Variants in SLC4A3 observed in about 807,000 individuals in gnomAD.
SLC4A3 encodes the protein anion exchange protein 3.
SLC4A3 carries 47 observed loss-of-function variants against 114.2 expected under a neutral mutation model. That is an observed-to-expected ratio of 0.41 (90% CI 0.33 to 0.52). The LOEUF is 0.52. Among genes scored for constraint, SLC4A3 ranks in the 20% least tolerant of loss-of-function variants. The pLI is 0.21. For missense variants in SLC4A3, 1,312 were observed against 1,668.3 expected (o/e 0.79, Z 3.72); for synonymous variants, 693 against 710.3 (o/e 0.98, Z 0.39).
Position 219,639,602 on chromosome 2 carries a change from T to C in SLC4A3, c.3144T>C (p.Ala1048=), listed in dbSNP as rs1259541387. The change falls in exon 20 of 23, where the codon GCT becomes GCC. Residue 1048 remains alanine, a synonymous_variant. Coordinates refer to ENST00000358055, the MANE Select transcript of SLC4A3 (RefSeq NM_005070.4). The surrounding 1 kb of genome is among the most constrained non-coding windows in gnomAD (Gnocchi z 5.9). ...CGLFGLPWLT[A]ATVRSVTHVN... is the part of the protein sequence containing the mutation. ...TGTTTGGGTTGCCCTGGCTCACGGCTGCCACGGTCCGCTCCGTCACCCATG... is the reference window on the plus strand; with the variant it reads ...TGTTTGGGTTGCCCTGGCTCACGGCCGCCACGGTCCGCTCCGTCACCCATG... The C allele has an allele frequency of 5.0e-6, 8 of 1,614,054 alleles. No individual in the cohort carries two copies. The highest frequency in any genetic ancestry group is 5.9e-6 in the Non-Finnish European group (7 of 1,180,022).
chr2:219,634,508 C>T lies in SLC4A3; in HGVS notation c.1650C>T (p.Val550=), dbSNP rs1699050651. ...VLLESVLEVP[V]PVRFLFVMLG... The stretch of plus-strand genomic sequence containing the variant: ...TGGAGTCTGTGCTTGAGGTCCCTGT[C>T]CCGGTCCGCTTCCTCTTCGTGATGC... The change falls in exon 12 of 23, where the codon GTC becomes GTT. Residue 550 remains valine, a synonymous_variant. Transcript: ENST00000358055. 6.2e-7 allele frequency: 1 copy of T among 1,614,218 alleles called. No homozygotes were observed. Among genetic ancestry groups the T allele is most frequent in the Non-Finnish European group, 8.5e-7 (1 of 1,180,052 alleles).
Position 219,637,864 on chromosome 2 carries a change from G to A in SLC4A3, c.2766+53G>A. ...CAAGAGTCCCACAATTCCTGCTGTA[G>A]GAGCTCCCCAGAGAGGCTGCACCCC... On this transcript the variant is annotated intron_variant, in intron 17 of 22. Coordinates refer to ENST00000358055, the MANE Select transcript of SLC4A3 (RefSeq NM_005070.4). The surrounding 1 kb of genome is among the most constrained non-coding windows in gnomAD (Gnocchi z 4.6). 1 of 1,423,492 alleles carries A rather than the reference G, an allele frequency of 7.0e-7. No homozygotes were observed. The highest frequency in any genetic ancestry group is 9.9e-7 in the Non-Finnish European group (1 of 1,008,626). The allele number at this position is 1,423,492 out of a possible 1,614,324, so 88.2% of individuals were successfully genotyped here. A position where few individuals can be genotyped will look rare whatever the true frequency, so the allele number is the denominator to read the frequency against.
Position 219,628,496 on chromosome 2 carries a change from G to C in SLC4A3, c.143G>C (p.Gly48Ala), listed in dbSNP as rs1382468943. The C allele has an allele frequency of 6.2e-7, 1 of 1,613,782 alleles. No homozygotes were observed. The highest frequency in any genetic ancestry group is 1.1e-5 in the South Asian group (1 of 91,056). The change falls in exon 3 of 23, where the codon GGG becomes GCG. Residue 48 changes from glycine (G) to alanine (A), a missense_variant. Around this residue, in one of 4 missense-constraint regions of SLC4A3, gnomAD observed 236 missense variants for 212.1 expected, o/e 1.11. Coordinates refer to ENST00000358055, the MANE Select transcript of SLC4A3 (RefSeq NM_005070.4). The surrounding 1 kb of genome is among the most constrained non-coding windows in gnomAD (Gnocchi z 4.8). ...AAGACCTTGGCTGTGAGCAGGTTTG[G>C]GGACCTCATCAGCAAGCCCCCGGCC... ...LGKTLAVSRF[G>A]DLISKPPAWD...
In SLC4A3 at chr2:219,630,391, G is replaced by A. The variant is rs763653051; in HGVS notation, c.811+39G>A. 9 of 1,558,628 alleles carry A rather than the reference G, an allele frequency of 5.8e-6. No homozygotes were observed. In the East Asian group the frequency reaches 6.8e-5, roughly 12 times the overall value. On this transcript the variant is annotated intron_variant, in intron 6 of 22. Transcript: ENST00000358055. The surrounding 1 kb of genome is among the most constrained non-coding windows in gnomAD (Gnocchi z 6.9). ...TGTGGCAGCCCCCATGGTCCACTGC[G>A]ACGGACTCCCAGCCTGCGAGTGACC...
chr2:219,628,542 C>G lies in SLC4A3; in HGVS notation c.189C>G (p.Ser63Arg). 1 of 1,613,432 alleles carries G rather than the reference C, an allele frequency of 6.2e-7. No individual in the cohort carries two copies. Among genetic ancestry groups the G allele is most frequent in the Non-Finnish European group, 8.5e-7 (1 of 1,179,848 alleles). Reference protein sequence around the residue: ...KPPAWDPEKPSRSYSERDFEF... With the variant: ...KPPAWDPEKPRRSYSERDFEF... ...CGGCCTGGGACCCCGAGAAGCCCAG[C>G]CGCAGCTACAGCGAGCGGGACTTTG... Residue 63 changes from serine to arginine, a missense_variant, in exon 3 of 23, where the codon AGC (serine) becomes AGG (arginine). Coordinates refer to ENST00000358055, the MANE Select transcript of SLC4A3 (RefSeq NM_005070.4). The surrounding 1 kb of genome is among the most constrained non-coding windows in gnomAD (Gnocchi z 4.8).
intron 13 of SLC4A3, 86 bp downstream of exon 13, chr2:219,635,582 C>T (rs1699088076): frequency 1.4e-6 from 2 of 1,478,476 alleles, no homozygotes; most frequent in Admixed American, 4.0e-5. Context: ...CGTCCTGACT[C>T]CTGGAGTCCT....
chr2:219,635,024 T>G (rs1699066577), intron 12 of SLC4A3, among the ~76,000 whole-genome samples: 1 of 152,164 alleles, frequency 6.6e-6, no homozygotes, highest in Non-Finnish European at 1.5e-5. Context: ...ATCCCTTTAG[T>G]TGCTGCATGT....
intron 1 of SLC4A3, 44 bp from the exon 2 acceptor site, chr2:219,627,854 TGG>T: frequency 1.6e-6 from 1 of 641,954 alleles, no homozygotes; most frequent in Non-Finnish European, 2.6e-6. Context: ...GGCTCCCGGG[TGG>T]GGGGCGCCAG....
chr2:219,629,751 G>A, intron 5 of SLC4A3, 56 bp downstream of exon 5: 1 of 1,222,234 alleles, frequency 8.2e-7, no homozygotes, highest in Non-Finnish European at 1.2e-6. Context: ...AGGGTCCAGA[G>A]CTCCTGGCAG....
Position 219,628,117 on chromosome 2 carries a change from C to A in SLC4A3, c.51+74C>A. 1.6e-6 allele frequency: 2 copies of A among 1,249,246 alleles called. No individual in the cohort carries two copies. Among genetic ancestry groups the A allele is most frequent in the African/African-American group, 1.5e-5 (1 of 65,238 alleles). The allele number at this position is 1,249,246 out of a possible 1,614,324, so 77.4% of individuals were successfully genotyped here. A position where few individuals can be genotyped will look rare whatever the true frequency, so the allele number is the denominator to read the frequency against. ...GGGACCTTAGGGTGGGCAGAGGAGTCCTCTGGCCGACCCCGGGACCCCCCA... is the reference window on the plus strand; with the variant it reads ...GGGACCTTAGGGTGGGCAGAGGAGTACTCTGGCCGACCCCGGGACCCCCCA... On this transcript the variant is annotated intron_variant, in intron 2 of 22. Transcript: ENST00000358055. This position sits in a 1 kb window ranked among gnomAD's most constrained non-coding sequence, Gnocchi z 4.8.
chr2:219,637,478 C>T lies in SLC4A3; in HGVS notation c.2536-103C>T, dbSNP rs1337204076. 2 of 653,186 alleles carry T rather than the reference C, an allele frequency of 3.1e-6. No homozygotes were observed. Among genetic ancestry groups the T allele is most frequent in the African/African-American group, 3.6e-5 (2 of 54,864 alleles). 40.5% of individuals were successfully genotyped at this position (653,186 alleles called of 1,614,324 possible). On this transcript the variant is annotated intron_variant, in intron 16 of 22. Coordinates refer to ENST00000358055, the MANE Select transcript of SLC4A3 (RefSeq NM_005070.4). This position sits in a 1 kb window ranked among gnomAD's most constrained non-coding sequence, Gnocchi z 4.6. Reference sequence around the variant, plus strand: ...TGTCCGTGCATTACTGTTGTCTGACCAGGTATTGAGGGGCCACCCTCTCTC... The same window carrying T: ...TGTCCGTGCATTACTGTTGTCTGACTAGGTATTGAGGGGCCACCCTCTCTC...
At position 219,631,639 on chromosome 2, in the gene SLC4A3, G is replaced by A. The variant is rs1300423380; in HGVS notation, c.812-329G>A. On this transcript the variant is annotated intron_variant, in intron 6 of 22. Coordinates refer to ENST00000358055, the MANE Select transcript of SLC4A3 (RefSeq NM_005070.4). This position sits in a 1 kb window ranked among gnomAD's most constrained non-coding sequence, Gnocchi z 6.3. ...CAGTGCCTGGGGACTCTGACTCAGTGCCTGTCATGGGACCCAGATGGAGAA... is the reference window on the plus strand; with the variant it reads ...CAGTGCCTGGGGACTCTGACTCAGTACCTGTCATGGGACCCAGATGGAGAA... 6.6e-6 allele frequency among the ~76,000 whole-genome samples: 1 copy of A among 152,122 alleles called. No homozygotes were observed. Among genetic ancestry groups the A allele is most frequent in the Non-Finnish European group, 1.5e-5 (1 of 68,016 alleles).
rs911547151 is a variant in SLC4A3, at chr2:219,630,651, C to T, written c.811+299C>T. On this transcript the variant is annotated intron_variant, in intron 6 of 22. Transcript: ENST00000358055. The surrounding 1 kb of genome is among the most constrained non-coding windows in gnomAD (Gnocchi z 6.9). ...CATTACTGTATCCCTCCCCAAGGCC[C>T]CTCTTCTCGGGGTGAACTCTCTGTC... Among the ~76,000 whole-genome samples, 1 of 152,156 alleles carries T rather than the reference C, an allele frequency of 6.6e-6. No individual in the cohort carries two copies. Among genetic ancestry groups the T allele is most frequent in the Non-Finnish European group, 1.5e-5 (1 of 68,038 alleles).
Position 219,629,423 on chromosome 2 carries a change from TAGGGGCTTCCCTTTGG to T in SLC4A3, c.495+8_495+23del. 6.3e-7 allele frequency: 1 copy of T among 1,588,990 alleles called. No individual in the cohort carries two copies. Among genetic ancestry groups the T allele is most frequent in the Non-Finnish European group, 8.6e-7 (1 of 1,166,652 alleles). Reference sequence around the variant, plus strand: ...TCAGGGACCCCACAGAAGGCAAAGGTAGGGGCTTCCCTTTGGAGGGGTGGCAGGTCAGGGGTCAGGG... The same window carrying T: ...TCAGGGACCCCACAGAAGGCAAAGGTAGGGGTGGCAGGTCAGGGGTCAGGG... On this transcript the variant is annotated splice_donor_5th_base_variant and intron_variant, in intron 4 of 22. Transcript: ENST00000358055.
Position 219,639,569 on chromosome 2 carries a change from C to A in SLC4A3, c.3111C>A (p.Leu1037=), listed in dbSNP as rs555586628. 2 of 1,613,990 alleles carry A rather than the reference C, an allele frequency of 1.2e-6. No individual in the cohort carries two copies. Among genetic ancestry groups the A allele is most frequent in the East Asian group, 2.2e-5 (1 of 44,888 alleles). ...TCCTCATTGGCTCCCTGGGGGGGCT[C>A]TGTGGGCTGTTTGGGTTGCCCTGGC... ...DLLLIGSLGG[L]CGLFGLPWLT... is the part of the protein sequence containing the mutation. Residue 1037 remains leucine, a synonymous_variant, in exon 20 of 23, where the codon CTC becomes CTA. Coordinates refer to ENST00000358055, the MANE Select transcript of SLC4A3 (RefSeq NM_005070.4). This position sits in a 1 kb window ranked among gnomAD's most constrained non-coding sequence, Gnocchi z 5.9.
At position 219,637,209 on chromosome 2, in the gene SLC4A3, TG is replaced by T. The variant is rs1249294415; in HGVS notation, c.2535+338del. On this transcript the variant is annotated intron_variant, in intron 16 of 22. Transcript: ENST00000358055. The surrounding 1 kb of genome is among the most constrained non-coding windows in gnomAD (Gnocchi z 4.6). ...TTGTAGAGGAGTGTGTGTGTGTGTG[TG>T]GGTGTGGGTGTGGTGTGAGTATGGT... Among the ~76,000 whole-genome samples, 1 of 148,844 alleles carries T rather than the reference TG, an allele frequency of 6.7e-6. No individual in the cohort carries two copies. The highest frequency in any genetic ancestry group is 1.9e-4 in the East Asian group (1 of 5,152).
chr2:219,640,302 C>A, intron 20 of SLC4A3, 128 bp from the exon 21 acceptor site: 3 of 953,862 alleles, frequency 3.1e-6, no homozygotes, highest in South Asian at 1.8e-5. Context: ...CATGTCGCCT[C>A]CCCCCAGGCC....
chr2:219,630,357 G>T lies in SLC4A3; in HGVS notation c.811+5G>T. ...CAGACCTGGACGACATGAAGAGTGAGTGAGACCTTGTGGCAGCCCCCATGG... is the reference window on the plus strand; with the variant it reads ...CAGACCTGGACGACATGAAGAGTGATTGAGACCTTGTGGCAGCCCCCATGG... On this transcript the variant is annotated splice_donor_5th_base_variant and intron_variant, in intron 6 of 22. Coordinates refer to ENST00000358055, the MANE Select transcript of SLC4A3 (RefSeq NM_005070.4). The surrounding 1 kb of genome is among the most constrained non-coding windows in gnomAD (Gnocchi z 6.9). 6.3e-7 allele frequency: 1 copy of T among 1,589,882 alleles called. No individual in the cohort carries two copies.
intron 12 of SLC4A3, 37 bp from the exon 13 acceptor site, chr2:219,635,234 C>G (rs1052372387): frequency 6.3e-7 from 1 of 1,576,694 alleles, no homozygotes; most frequent in East Asian, 2.2e-5. Flanking sequence ...GCTCCCTTGG[C>G]TGTCCCTGAG....
Sources: gnomAD v4.1 joint callset for allele counts (sites outside exome capture counted in the v4.1 genomes callset) on GRCh38, gnomAD v4.1.1 for gene constraint, gnomAD v4.1.1 regional missense constraint, Gnocchi (gnomAD v3.1) non-coding constraint, MANE v1.5 for transcripts, NCBI Gene and HGNC (gene_info 2026-07-23, HGNC 2026-07-21) for gene names.